Variants in GABRB3 observed in about 807,000 individuals in gnomAD.
GABRB3 encodes gamma-aminobutyric acid receptor subunit beta-3.
GABRB3 carries 14 observed loss-of-function variants against 52.1 expected under a neutral mutation model. The observed-to-expected ratio is 0.27, with a 90% confidence interval of 0.18 to 0.42. The LOEUF is 0.42. Among genes scored for constraint, GABRB3 ranks in the 10% least tolerant of loss-of-function variants. The probability of loss-of-function intolerance (pLI) is 1.00; values close to 1 mark genes in which losing one functional copy is unlikely to be tolerated. For missense variants in GABRB3, 307 were observed against 609.1 expected (o/e 0.50, Z 5.22); for synonymous variants, 260 against 232.3 (o/e 1.12, Z -1.08).
intron 3 of GABRB3, among the ~76,000 whole-genome samples, chr15:26,633,977 C>T (rs910106300): frequency 1.3e-5 from 2 of 152,198 alleles, no homozygotes; most frequent in African/African-American, 4.8e-5. Context: ...CTCGCTCAGT[C>T]AGGTACAACA....
chr15:26,759,340 C>G (rs1184987414), intron 3 of GABRB3, among the ~76,000 whole-genome samples: 4 of 152,182 alleles, frequency 2.6e-5, no homozygotes, highest in Non-Finnish European at 5.9e-5. Context: ...CGGCAACCTC[C>G]GCCTCCCGGG....
chr15:26,650,890 G>C (rs1887175959), intron 3 of GABRB3, among the ~76,000 whole-genome samples: 2 of 152,082 alleles, frequency 1.3e-5, no homozygotes, highest in Admixed American at 6.6e-5. Flanking sequence ...CAGGAAAGAT[G>C]GCCTGCCCTC....
At chr15:26,549,499 T>C (rs1443789974) in intron 8 of GABRB3, among the ~76,000 whole-genome samples, 3 of 152,104 alleles carry the variant, frequency 2.0e-5, no homozygotes, top group Non-Finnish European at 4.4e-5. Context: ...GAAAGTGAGG[T>C]GGTCATCAGG....
At chr15:26,653,779 A>C (rs1194005801) in intron 3 of GABRB3, among the ~76,000 whole-genome samples, 1 of 152,240 alleles carries the variant, frequency 6.6e-6, no homozygotes, top group African/African-American at 2.4e-5. Context: ...AGAACTATGC[A>C]TGTAAAGTTC....
intron 3 of GABRB3, among the ~76,000 whole-genome samples, chr15:26,705,458 G>T (rs1889069287): frequency 6.6e-6 from 1 of 152,150 alleles, no homozygotes; most frequent in African/African-American, 2.4e-5. Flanking sequence ...ACATAGTCCA[G>T]CCCAAATGTC....
Position 26,679,823 on chromosome 15 carries a change from A to G in GABRB3, c.241-58289T>C, listed in dbSNP as rs1888182508. Among the ~76,000 whole-genome samples the G allele has an allele frequency of 2.0e-5, 3 of 152,174 alleles. No individual in the cohort carries two copies. The South Asian group carries it at 6.2e-4, about 31-fold the overall frequency. The stretch of plus-strand genomic sequence containing the variant: ...CCCACTGGATCCACAGCATAAATCT[A>G]ACTCCTCACTCTCTAAGGCACTTGT... On this transcript the variant is annotated intron_variant, in intron 3 of 8. Transcript: ENST00000311550.
chr15:26,590,367 C>T (rs55672447), intron 4 of GABRB3: 25,566 of 152,092 alleles, frequency 0.17, 2,226 homozygotes, highest in African/African-American at 0.22. Context: ...TTTGTGGCCA[C>T]GGGTTAGCAC....
At chr15:26,649,350 G>C (rs923369505) in intron 3 of GABRB3, among the ~76,000 whole-genome samples, 5 of 152,128 alleles carry the variant, frequency 3.3e-5, no homozygotes, top group Non-Finnish European at 7.3e-5. Context: ...CCTCCACCAT[G>C]TGATGACCCA....
At chr15:26,702,135 A>G (rs1888956915) in intron 3 of GABRB3, among the ~76,000 whole-genome samples, 1 of 152,158 alleles carries the variant, frequency 6.6e-6, no homozygotes, top group African/African-American at 2.4e-5. Flanking sequence ...AAAACTATAA[A>G]CTTCTGGAAA....
At chr15:26,577,791 T>TC (rs1205459649) in intron 6 of GABRB3, among the ~76,000 whole-genome samples, 2 of 151,934 alleles carry the variant, frequency 1.3e-5, no homozygotes, top group Non-Finnish European at 2.9e-5. Context: ...CTTTTCTAGC[T>TC]CCCCCCAACA....
In GABRB3 at chr15:26,589,177, T is replaced by G. The variant is rs185004695; in HGVS notation, c.462-5763A>C. On this transcript the variant is annotated intron_variant, in intron 4 of 8. Coordinates refer to ENST00000311550, the MANE Select transcript of GABRB3 (RefSeq NM_000814.6). The stretch of plus-strand genomic sequence containing the variant: ...CATTAGCATTTCCATTTTTAAAATA[T>G]TCACACATTGATAAATCATAATAAG... Among the ~76,000 whole-genome samples the G allele has an allele frequency of 6.3e-3, 961 of 152,336 alleles. 4 individuals carry two copies. Among genetic ancestry groups the G allele is most frequent in the South Asian group, 0.016 (79 of 4,830 alleles).
rs61996873 is a variant in GABRB3, at chr15:26,763,441, G to A, written c.240+8961C>T. ...ATATTTACCAAGCATATCCTACATG[G>A]CAAGAACTGTGCTCTGTGGCCATTC... On this transcript the variant is annotated intron_variant, in intron 3 of 8. Transcript: ENST00000311550. 2.2e-3 allele frequency among the ~76,000 whole-genome samples: 339 copies of A among 152,198 alleles called. 1 individual carries two copies. Among genetic ancestry groups the A allele is most frequent in the Non-Finnish European group, 4.1e-3 (278 of 68,018 alleles).
intron 3 of GABRB3, among the ~76,000 whole-genome samples, chr15:26,650,445 A>G (rs1247325041): frequency 6.6e-6 from 1 of 152,002 alleles, no homozygotes; most frequent in African/African-American, 2.4e-5. Flanking sequence ...GCCAAAAGAG[A>G]AGCAGATTTT....
chr15:26,698,036 T>C (rs1595536634), intron 3 of GABRB3, among the ~76,000 whole-genome samples: 1 of 152,320 alleles, frequency 6.6e-6, no homozygotes, highest in South Asian at 2.1e-4. Flanking sequence ...GCTCATCAAC[T>C]AAGCAAGCCT....
At chr15:26,576,761 T>A (rs1033728738) in intron 6 of GABRB3, among the ~76,000 whole-genome samples, 1 of 152,132 alleles carries the variant, frequency 6.6e-6, no homozygotes, top group African/African-American at 2.4e-5. Flanking sequence ...GCACTGGACA[T>A]AGAGGCCATC....
At chr15:26,619,016 C>T (rs1308858143) in intron 4 of GABRB3, among the ~76,000 whole-genome samples, 2 of 147,024 alleles carry the variant, frequency 1.4e-5, no homozygotes, top group African/African-American at 2.5e-5. Flanking sequence ...AGTCAGGAAA[C>T]AACAGGTGCT....
intron 3 of GABRB3, among the ~76,000 whole-genome samples, chr15:26,764,211 T>A (rs865778894): frequency 2.3e-5 from 1 of 44,406 alleles, no homozygotes; most frequent in African/African-American, 8.4e-5. Flanking sequence ...TATATATATA[T>A]ATATATATAT....
chr15:26,551,713 T>C (rs1413974193), intron 8 of GABRB3, among the ~76,000 whole-genome samples: 1 of 152,022 alleles, frequency 6.6e-6, no homozygotes, highest in African/African-American at 2.4e-5. Context: ...CACCGCGGGG[T>C]CTTCCTTATA....
At chr15:26,680,044 T>C (rs1888189634) in intron 3 of GABRB3, among the ~76,000 whole-genome samples, 1 of 152,234 alleles carries the variant, frequency 6.6e-6, no homozygotes, top group Non-Finnish European at 1.5e-5. Flanking sequence ...TATGGAGCTA[T>C]TTTTCAGATG....
Sources: allele counts gnomAD v4.1 joint callset (sites outside exome capture counted in the v4.1 genomes callset), GRCh38; gene constraint gnomAD v4.1.1; transcripts MANE v1.5; gene names NCBI Gene and HGNC (gene_info 2026-07-23, HGNC 2026-07-21).